Variants in FER observed in about 807,000 individuals in gnomAD.
FER encodes tyrosine-protein kinase Fer.
Under a neutral mutation model 111.0 loss-of-function variants are expected in FER, and 63 were observed. That is an observed-to-expected ratio of 0.57 (90% CI 0.46 to 0.70). The LOEUF is 0.70. Ranked by LOEUF, FER falls within the 30% of genes least tolerant of loss-of-function variation. The probability of loss-of-function intolerance (pLI) is 0.00; values close to 1 mark genes in which losing one functional copy is unlikely to be tolerated. For synonymous variants in FER, 327 were observed against 313.9 expected, an observed-to-expected ratio of 1.04 and a Z score of -0.44; for missense variants, 914 against 954.0, an observed-to-expected ratio of 0.96 and a Z score of 0.55.
At chr5:109,134,909 T>C (rs1752729074) in intron 17 of FER, among the ~76,000 whole-genome samples, 1 of 152,148 alleles carries the variant, frequency 6.6e-6, no homozygotes, top group Non-Finnish European at 1.5e-5. Context: ...TAACCAACAG[T>C]CTTTAAACAG....
intron 17 of FER, among the ~76,000 whole-genome samples, chr5:109,109,547 T>A (rs754317294): frequency 1.3e-5 from 2 of 152,054 alleles, no homozygotes; most frequent in African/African-American, 2.4e-5. Context: ...AAAATCAGGA[T>A]GATAATATTC....
chr5:108,851,370 A>G (rs1019457685), intron 5 of FER, among the ~76,000 whole-genome samples: 5 of 152,138 alleles, frequency 3.3e-5, no homozygotes, highest in African/African-American at 1.2e-4. Context: ...ATTCACTATC[A>G]TGAGAACGCC....
chr5:108,871,315 C>T, intron 6 of FER, 50 bp from the exon 7 acceptor site: 5 of 1,468,096 alleles, frequency 3.4e-6, no homozygotes, highest in Non-Finnish European at 4.7e-6. Context: ...GAGATAGTAT[C>T]TCTCTTGATA....
At chr5:108,903,290 A>C (rs888752676) in intron 10 of FER, among the ~76,000 whole-genome samples, 1 of 152,198 alleles carries the variant, frequency 6.6e-6, no homozygotes, top group African/African-American at 2.4e-5. Flanking sequence ...CATGTTACTT[A>C]GTTTTGCTTA....
chr5:108,947,054 C>T, intron 11 of FER, among the ~76,000 whole-genome samples: 1 of 151,988 alleles, frequency 6.6e-6, no homozygotes, highest in East Asian at 1.9e-4. Context: ...GAATAATACT[C>T]CATTGTATAT....
intron 17 of FER, among the ~76,000 whole-genome samples, chr5:109,125,694 T>A (rs1397027947): frequency 6.6e-6 from 1 of 152,214 alleles, no homozygotes; most frequent in Non-Finnish European, 1.5e-5. Context: ...TCTGAAATGT[T>A]AAGGTAACAG....
At chr5:108,799,435 G>A (rs751236235) in intron 3 of FER, among the ~76,000 whole-genome samples, 118 of 152,294 alleles carry the variant, frequency 7.7e-4, no homozygotes, top group Admixed American at 2.2e-3. Flanking sequence ...TGTGTATATA[G>A]TGTGTTTGAT....
intron 5 of FER, among the ~76,000 whole-genome samples, chr5:108,854,592 G>A (rs1762822904): frequency 6.6e-6 from 1 of 152,122 alleles, no homozygotes; most frequent in South Asian, 2.1e-4. Flanking sequence ...TACCCAGTAG[G>A]TAAATTCAGG....
At chr5:108,883,901 C>T (rs1312720704) in intron 9 of FER, among the ~76,000 whole-genome samples, 2 of 151,956 alleles carry the variant, frequency 1.3e-5, no homozygotes, top group Non-Finnish European at 2.9e-5. Flanking sequence ...TAAATAGTCT[C>T]TACTCTGTTA....
At chr5:108,858,735 GACA>G (rs750442380) in intron 5 of FER, among the ~76,000 whole-genome samples, 1 of 148,042 alleles carries the variant, frequency 6.8e-6, no homozygotes, top group East Asian at 2.0e-4. Flanking sequence ...TCTTGAAAAT[GACA>G]ACATTTGAGT....
Position 109,193,880 on chromosome 5 carries a change from ACT to A in FER, c.*6307_*6308del, listed in dbSNP as rs1465762562. The A allele has an allele frequency of 6.6e-6, 1 of 152,144 alleles. No individual in the cohort carries two copies. The highest frequency in any genetic ancestry group is 1.5e-5 in the Non-Finnish European group (1 of 68,038). 9.4% of individuals were successfully genotyped at this position (152,144 alleles called of 1,614,324 possible). A position where few individuals can be genotyped will look rare whatever the true frequency, so the allele number is the denominator to read the frequency against. On this transcript the variant is annotated 3_prime_UTR_variant, in exon 20 of 20. Transcript: ENST00000281092. ...ACCTACTTAACAAGGCCAGCTACAC[ACT>A]CAGTATGTGATAAGCCCCATGATGG...
At chr5:108,799,970 G>A (rs566896283) in intron 3 of FER, among the ~76,000 whole-genome samples, 1 of 151,614 alleles carries the variant, frequency 6.6e-6, no homozygotes, top group Non-Finnish European at 1.5e-5. Flanking sequence ...CGCCTCATGA[G>A]TAGCTGGGAT....
chr5:108,778,017 C>G (rs79253914), intron 2 of FER, among the ~76,000 whole-genome samples: 1 of 152,112 alleles, frequency 6.6e-6, no homozygotes, highest in Non-Finnish European at 1.5e-5. Flanking sequence ...CATAGTATTG[C>G]TTTTTTCAGA....
intron 17 of FER, among the ~76,000 whole-genome samples, chr5:109,147,017 T>C (rs1160811152): frequency 6.6e-6 from 1 of 151,978 alleles, no homozygotes; most frequent in Non-Finnish European, 1.5e-5. Flanking sequence ...ACAGAATATA[T>C]GTGATAAGTG....
rs568597044 is a variant in FER at position 109,107,697 on chromosome 5, G to A, written c.2048+7178G>A. ...TTTGGAGTTCTTGAAACTAGTAACC[G>A]GGAAGCAGTCAGGGACCAAGGCAGG... On this transcript the variant is annotated intron_variant, in intron 17 of 19. Coordinates refer to ENST00000281092, the MANE Select transcript of FER (RefSeq NM_005246.4). 1.2e-4 allele frequency among the ~76,000 whole-genome samples: 18 copies of A among 152,168 alleles called. No individual in the cohort carries two copies. The South Asian group carries it at 1.5e-3, about 12-fold the overall frequency.
intron 11 of FER, among the ~76,000 whole-genome samples, chr5:108,948,111 ATAAAG>A (rs1757230645): frequency 1.3e-5 from 2 of 152,158 alleles, no homozygotes; most frequent in Admixed American, 1.3e-4. Context: ...ATAATTTTAG[ATAAAG>A]TAAAGCAAAT....
intron 13 of FER, among the ~76,000 whole-genome samples, chr5:109,012,882 C>T (rs1232294596): frequency 6.6e-6 from 1 of 151,966 alleles, no homozygotes; most frequent in Non-Finnish European, 1.5e-5. Flanking sequence ...CTACCAAAGT[C>T]ATACTTGATA....
rs191768526 is a variant in FER, at chr5:108,754,275, A to G, written c.-206+6275A>G. Among the ~76,000 whole-genome samples the G allele has an allele frequency of 2.0e-3, 298 of 152,054 alleles. 3 individuals are homozygous for G. The highest frequency in any genetic ancestry group is 6.8e-3 in the African/African-American group (281 of 41,466). ...AAAGTTAAAAAATTAGCCCGATATG[A>G]TGGCATGTGCTTGTACTACTACTAA... On this transcript the variant is annotated intron_variant, in intron 1 of 19. Transcript: ENST00000281092.
chr5:108,853,309 T>A (rs1185314702), intron 5 of FER, among the ~76,000 whole-genome samples: 1 of 152,194 alleles, frequency 6.6e-6, no homozygotes, highest in Non-Finnish European at 1.5e-5. Context: ...TCTCTTAATT[T>A]GGGATATTGT....
Sources: allele counts gnomAD v4.1 joint callset (sites outside exome capture counted in the v4.1 genomes callset), GRCh38; gene constraint gnomAD v4.1.1; transcripts MANE v1.5; gene names NCBI Gene and HGNC (gene_info 2026-07-23, HGNC 2026-07-21).